The following SREBF2 variants were observed in gnomAD, a reference collection of about 807,000 sequenced individuals.
SREBF2 encodes sterol regulatory element binding transcription factor 2.
Under a neutral mutation model 113.1 loss-of-function variants are expected in SREBF2, and 55 were observed. The observed-to-expected ratio is 0.49, with a 90% CI of 0.39 to 0.61. The LOEUF is 0.61. Ranked by LOEUF, SREBF2 falls within the 20% of genes least tolerant of loss-of-function variation. The probability of loss-of-function intolerance (pLI) is 0.00; values close to 1 mark genes in which losing one functional copy is unlikely to be tolerated. For missense variants in SREBF2, 1,349 were observed against 1,487.4 expected, an observed-to-expected ratio of 0.91 and a Z score of 1.53; for synonymous variants, 593 against 605.7, an observed-to-expected ratio of 0.98 and a Z score of 0.31.
At chr22:41,899,033 C>A in intron 15 of SREBF2, 1 of 612,646 alleles carries the variant, frequency 1.6e-6, no homozygotes, top group Non-Finnish European at 2.7e-6. Flanking sequence ...TGTCCGGGTC[C>A]TCCTCCCTGC....
intron 12 of SREBF2, among the ~76,000 whole-genome samples, chr22:41,894,584 C>T (rs1455125122): frequency 6.6e-6 from 1 of 152,120 alleles, no homozygotes; most frequent in East Asian, 1.9e-4. Context: ...AGCACCCTCC[C>T]CCACACCCCC....
At position 41,905,583 on chromosome 22, in the gene SREBF2, G is replaced by A; in HGVS notation, c.3349G>A (p.Gly1117Ser). ...AGCTGCCCGCACCCTGGAGAAGGTG[G>A]GCGACCGGCGCTCCTGCAACGACTG... is the stretch of plus-strand genomic sequence containing the variant. Reference protein sequence around the residue: ...AEAARTLEKVGDRRSCNDCQQ... With the variant: ...AEAARTLEKVSDRRSCNDCQQ... Residue 1117 changes from glycine to serine, a missense_variant, in exon 19 of 19, where the codon GGC becomes AGC. Coordinates refer to ENST00000361204, the MANE Select transcript of SREBF2 (RefSeq NM_004599.4). 6.3e-7 allele frequency: 1 copy of A among 1,598,504 alleles called. No individual in the cohort carries two copies. The highest frequency in any genetic ancestry group is 8.5e-7 in the Non-Finnish European group (1 of 1,173,500).
intron 2 of SREBF2, among the ~76,000 whole-genome samples, chr22:41,867,827 C>T (rs1296986510): frequency 1.3e-5 from 2 of 151,928 alleles, no homozygotes; most frequent in African/African-American, 2.4e-5. Context: ...AAAAAAAATC[C>T]AGCAAGCATA....
intron 17 of SREBF2, among the ~76,000 whole-genome samples, chr22:41,904,221 G>A (rs981173353): frequency 6.6e-6 from 1 of 152,142 alleles, no homozygotes; most frequent in African/African-American, 2.4e-5. Flanking sequence ...GCTGCTCCCT[G>A]CTGAGAGCCC....
At position 41,897,126 on chromosome 22, in the gene SREBF2, C is replaced by G. The variant is rs149205651; in HGVS notation, c.2570C>G (p.Pro857Arg). 13 of 1,612,088 alleles carry G rather than the reference C, an allele frequency of 8.1e-6. No homozygotes were observed. The highest frequency in any genetic ancestry group is 5.0e-5 in the Admixed American group (3 of 59,974). ...FVDSVGVMSP[P>R]LSRSSVLKSA... ...GACTCTGTGGGGGTTATGAGCCCCC[C>G]ACTCTCCAGGAGCTCCGTGCTCAAG... Residue 857 changes from proline to arginine, a missense_variant, in exon 14 of 19, where the codon CCA becomes CGA. By Grantham distance (103) the Pro-to-Arg change is moderately radical. Coordinates refer to ENST00000361204, the MANE Select transcript of SREBF2 (RefSeq NM_004599.4).
At position 41,905,824 on chromosome 22, in the gene SREBF2, AGCT is replaced by A. The variant is rs1939910721; in HGVS notation, c.*169_*171del. 1 of 817,386 alleles carries A rather than the reference AGCT, an allele frequency of 1.2e-6. No homozygotes were observed. The highest frequency in any genetic ancestry group is 2.1e-6 in the Non-Finnish European group (1 of 483,854). 50.6% of individuals were successfully genotyped at this position (817,386 alleles called of 1,614,324 possible). A position where few individuals can be genotyped will look rare whatever the true frequency, so the allele number is the denominator to read the frequency against. The stretch of plus-strand genomic sequence containing the variant: ...TGCACCCCTGGGCAGAGCCCCTTAA[AGCT>A]GCTGTCACTAGATGCCCATGGTCCA... On this transcript the variant is annotated 3_prime_UTR_variant, in exon 19 of 19. Coordinates refer to ENST00000361204, the MANE Select transcript of SREBF2 (RefSeq NM_004599.4).
At chr22:41,897,528 T>C (rs988024427) in intron 14 of SREBF2, among the ~76,000 whole-genome samples, 3 of 152,206 alleles carry the variant, frequency 2.0e-5, no homozygotes, top group Non-Finnish European at 2.9e-5. Context: ...TTGGGCCTTA[T>C]GCTCTTTGCT....
intron 1 of SREBF2, among the ~76,000 whole-genome samples, chr22:41,866,153 C>T (rs370558084): frequency 2.6e-5 from 4 of 152,202 alleles, no homozygotes; most frequent in South Asian, 2.1e-4. Flanking sequence ...ACTCCCTACT[C>T]GCTGCCTCAG....
intron 11 of SREBF2, among the ~76,000 whole-genome samples, chr22:41,891,001 C>T (rs182935826): frequency 6.6e-6 from 1 of 152,104 alleles, no homozygotes; most frequent in South Asian, 2.1e-4. Context: ...TGCCGTATGA[C>T]CTGGACTAGG....
At chr22:41,891,112 G>T (rs545544903) in intron 11 of SREBF2, 1 of 152,174 alleles carries the variant, frequency 6.6e-6, no homozygotes, top group East Asian at 1.9e-4. Context: ...TGGACATGTG[G>T]AATTGGCTGT....
chr22:41,875,525 G>T lies in SREBF2; in HGVS notation c.1205-18G>T. On this transcript the variant is annotated intron_variant, in intron 6 of 18. Transcript: ENST00000361204. ...TGTAAAAGCAGATCATTTTCACCAG[G>T]TGGGGTTTTCTTTGCAGAGCTTCTA... The T allele has an allele frequency of 6.2e-7, 1 of 1,614,228 alleles. No homozygotes were observed. Among genetic ancestry groups the T allele is most frequent in the Non-Finnish European group, 8.5e-7 (1 of 1,180,046 alleles).
In SREBF2 at chr22:41,833,654, G is replaced by T. The variant is rs907756399; in HGVS notation, c.88+296G>T. 3.3e-6 allele frequency: 1 copy of T among 301,824 alleles called. No individual in the cohort carries two copies. The highest frequency in any genetic ancestry group is 2.2e-5 in the African/African-American group (1 of 45,828). 18.7% of individuals were successfully genotyped at this position (301,824 alleles called of 1,614,324 possible). A position where few individuals can be genotyped will look rare whatever the true frequency, so the allele number is the denominator to read the frequency against. On this transcript the variant is annotated intron_variant, in intron 1 of 18. Transcript: ENST00000361204. The surrounding 1 kb of genome is among the most constrained non-coding windows in gnomAD (Gnocchi z 4.1). ...ACGTCGCGGGGGCGTCTCAGGGAGCGGCCTAAGGAGAGCGCGTGGCCGCCG... is the reference window on the plus strand; with the variant it reads ...ACGTCGCGGGGGCGTCTCAGGGAGCTGCCTAAGGAGAGCGCGTGGCCGCCG...
rs1402783689 is a variant in SREBF2 at position 41,906,715 on chromosome 22, T to A, written c.*1055T>A. 6.6e-6 allele frequency: 1 copy of A among 152,194 alleles called. No homozygotes were observed. Among genetic ancestry groups the A allele is most frequent in the Non-Finnish European group, 1.5e-5 (1 of 68,032 alleles). The allele number at this position is 152,194 out of a possible 1,614,324, so 9.4% of individuals were successfully genotyped here. A position where few individuals can be genotyped will look rare whatever the true frequency, so the allele number is the denominator to read the frequency against. On this transcript the variant is annotated 3_prime_UTR_variant, in exon 19 of 19. Transcript: ENST00000361204. Reference sequence around the variant, plus strand: ...TCTGTATATATTTAAACCTAATTAATTCTTGAGCTGAAAATAAATAAACCA... The same window carrying A: ...TCTGTATATATTTAAACCTAATTAAATCTTGAGCTGAAAATAAATAAACCA...
At chr22:41,858,834 G>T (rs913002107) in intron 1 of SREBF2, among the ~76,000 whole-genome samples, 3 of 152,064 alleles carry the variant, frequency 2.0e-5, no homozygotes, top group African/African-American at 7.2e-5. Flanking sequence ...AAAAGGAAAA[G>T]ATTTATTTTT....
In SREBF2 at chr22:41,833,367, TG is replaced by T; in HGVS notation, c.88+12del. ...CCTGGGAGACATCGACGGTGAGTGG[TG>T]GGTGGGTGGGAGTGCGGGGGCCGCG... On this transcript the variant is annotated intron_variant, in intron 1 of 18. Coordinates refer to ENST00000361204, the MANE Select transcript of SREBF2 (RefSeq NM_004599.4). The surrounding 1 kb of genome is among the most constrained non-coding windows in gnomAD (Gnocchi z 4.1). 1.7e-5 allele frequency: 5 copies of T among 294,940 alleles called. No individual in the cohort carries two copies. Among genetic ancestry groups the T allele is most frequent in the East Asian group, 1.4e-4 (1 of 7,394 alleles). The allele number at this position is 294,940 out of a possible 1,614,324, so 18.3% of individuals were successfully genotyped here.
At chr22:41,837,858 CAAAAAAA>C (rs35054500) in intron 1 of SREBF2, among the ~76,000 whole-genome samples, 2 of 102,984 alleles carry the variant, frequency 1.9e-5, no homozygotes, top group South Asian at 2.9e-4. Context: ...GACTCTGTCT[CAAAAAAA>C]AAAAAAAAAA....
intron 11 of SREBF2, among the ~76,000 whole-genome samples, chr22:41,889,618 G>T (rs2077336532): frequency 6.6e-6 from 1 of 151,734 alleles, no homozygotes. Context: ...CCACGAGTTT[G>T]AGGCTGCAGT....
At position 41,877,370 on chromosome 22, in the gene SREBF2, G is replaced by T; in HGVS notation, c.1528G>T (p.Asp510Tyr). The T allele has an allele frequency of 6.2e-7, 1 of 1,614,108 alleles. No homozygotes were observed. The highest frequency in any genetic ancestry group is 8.5e-7 in the Non-Finnish European group (1 of 1,180,004). Residue 510 changes from aspartate to tyrosine, a missense_variant, in exon 8 of 19, where the codon GAC (aspartate) becomes TAC (tyrosine). By Grantham distance (160) the Asp-to-Tyr change is radical. Around this residue, in one of 2 missense-constraint regions of SREBF2, gnomAD observed 699 missense variants for 843.3 expected, o/e 0.83. Transcript: ENST00000361204. Reference protein sequence around the residue: ...LLQWGGAHDSDQHPHSGSGRS... With the variant: ...LLQWGGAHDSYQHPHSGSGRS... ...GCAGTGGGGAGGGGCCCACGACTCT[G>T]ACCAGCACCCACACTCAGGCTCTGG...
At chr22:41,873,436 C>G (rs914434472) in intron 4 of SREBF2, among the ~76,000 whole-genome samples, 2 of 152,172 alleles carry the variant, frequency 1.3e-5, no homozygotes, top group African/African-American at 2.4e-5. Context: ...AAAGTTTTCT[C>G]TGGTGCCAAC....
Sources: allele counts gnomAD v4.1 joint callset (sites outside exome capture counted in the v4.1 genomes callset), GRCh38; gene constraint gnomAD v4.1.1; regional missense constraint gnomAD v4.1.1; non-coding constraint Gnocchi (gnomAD v3.1); transcripts MANE v1.5; gene names NCBI Gene and HGNC (gene_info 2026-07-23, HGNC 2026-07-21).